Variants in ATG10 observed in about 807,000 individuals in gnomAD.
ATG10 encodes the protein ubiquitin-like-conjugating enzyme ATG10.
A neutral mutation model predicts 32.1 loss-of-function variants in ATG10; 30 were observed. The ratio of observed to expected loss-of-function variants is 0.94; its 90% CI spans 0.70 to 1.27. ATG10 has a LOEUF of 1.27. Ranked by LOEUF, ATG10 falls within the 50% of genes most tolerant of loss-of-function variation. ATG10 has a pLI of 0.00. For missense variants in ATG10, 233 were observed against 262.3 expected (o/e 0.89, Z 0.77); for synonymous variants, 87 against 91.5 (o/e 0.95, Z 0.28).
intron 5 of ATG10, among the ~76,000 whole-genome samples, chr5:82,225,649 T>A (rs1326078410): frequency 6.6e-6 from 1 of 152,138 alleles, no homozygotes; most frequent in Non-Finnish European, 1.5e-5. Context: ...CCTTAACCGA[T>A]GCCAAAGCCC....
chr5:82,161,637 A>G (rs2149896225), intron 3 of ATG10, among the ~76,000 whole-genome samples: 1 of 151,808 alleles, frequency 6.6e-6, no homozygotes, highest in Non-Finnish European at 1.5e-5. Flanking sequence ...TATGCACTTA[A>G]GAATTGCACA....
intron 4 of ATG10, among the ~76,000 whole-genome samples, chr5:82,177,446 A>C (rs1744074974): frequency 6.6e-6 from 1 of 152,136 alleles, no homozygotes; most frequent in African/African-American, 2.4e-5. Flanking sequence ...CTTTGGTCTA[A>C]ATATTCAGTA....
intron 3 of ATG10, among the ~76,000 whole-genome samples, chr5:82,127,833 C>T (rs1311583990): frequency 2.0e-5 from 3 of 152,064 alleles, no homozygotes; most frequent in Non-Finnish European, 4.4e-5. Context: ...TCCTGAATAT[C>T]CTTGCTAATT....
intron 3 of ATG10, among the ~76,000 whole-genome samples, chr5:82,084,781 T>C (rs981637657): frequency 3.3e-5 from 5 of 152,160 alleles, no homozygotes; most frequent in South Asian, 2.1e-4. Flanking sequence ...CAAGCAAATG[T>C]TGAGAGATTT....
chr5:82,042,414 G>A (rs559488953), intron 2 of ATG10, among the ~76,000 whole-genome samples: 9 of 152,204 alleles, frequency 5.9e-5, no homozygotes, highest in African/African-American at 1.9e-4. Flanking sequence ...AGATTTGGGC[G>A]GGGATACAAA....
intron 5 of ATG10, among the ~76,000 whole-genome samples, chr5:82,237,235 C>T (rs904575454): frequency 3.9e-5 from 6 of 152,140 alleles, no homozygotes; most frequent in Non-Finnish European, 5.9e-5. Context: ...AACTCCTTTC[C>T]CATTAAACTT....
intron 5 of ATG10, among the ~76,000 whole-genome samples, chr5:82,238,403 T>G (rs56117519): frequency 0.16 from 20,816 of 133,354 alleles, 2,203 homozygotes; most frequent in African/African-American, 0.33. Context: ...TCACTAGGGA[T>G]CTGCTTTTTC....
rs1180300654 is a variant in ATG10 at position 82,085,645 on chromosome 5, A to G, written c.216+27043A>G. On this transcript the variant is annotated intron_variant, in intron 3 of 7. Transcript: ENST00000282185. Reference sequence around the variant, plus strand: ...CTAGAACTTAAAGTATAACAAAAAAAAAAGAAAATTAAAAAATACTAATGA... The same window carrying G: ...CTAGAACTTAAAGTATAACAAAAAAGAAAGAAAATTAAAAAATACTAATGA... 2.0e-5 allele frequency among the ~76,000 whole-genome samples: 3 copies of G among 152,136 alleles called. No individual in the cohort carries two copies. The East Asian group carries it at 5.8e-4, about 29-fold the overall frequency.
intron 3 of ATG10, among the ~76,000 whole-genome samples, chr5:82,083,750 G>A (rs1256959042): frequency 6.6e-6 from 1 of 152,210 alleles, no homozygotes; most frequent in Non-Finnish European, 1.5e-5. Context: ...CAACAGACCT[G>A]CAGTTGAGGG....
chr5:82,041,605 A>G (rs1477845940), intron 2 of ATG10, among the ~76,000 whole-genome samples: 1 of 152,214 alleles, frequency 6.6e-6, no homozygotes, highest in Non-Finnish European at 1.5e-5. Context: ...AACATATAGT[A>G]TGTAAAACAC....
intron 2 of ATG10, among the ~76,000 whole-genome samples, chr5:82,000,312 A>G (rs1474946218): frequency 6.6e-6 from 1 of 152,200 alleles, no homozygotes; most frequent in Non-Finnish European, 1.5e-5. Flanking sequence ...CTGAAGGAAC[A>G]TACTTCAAAA....
chr5:82,008,508 A>G (rs1762041611), intron 2 of ATG10, among the ~76,000 whole-genome samples: 1 of 151,960 alleles, frequency 6.6e-6, no homozygotes, highest in Non-Finnish European at 1.5e-5. Flanking sequence ...ATACCTTTGA[A>G]TACTATTTTT....
At chr5:82,149,328 C>T (rs1767492106) in intron 3 of ATG10, among the ~76,000 whole-genome samples, 1 of 151,768 alleles carries the variant, frequency 6.6e-6, no homozygotes, top group African/African-American at 2.4e-5. Context: ...TTCCCTATTC[C>T]CTTACTTGTG....
At chr5:81,988,795 C>G (rs1005239948) in intron 2 of ATG10, among the ~76,000 whole-genome samples, 1 of 152,148 alleles carries the variant, frequency 6.6e-6, no homozygotes, top group South Asian at 2.1e-4. Flanking sequence ...GTACTTATTT[C>G]CACACTTAGA....
At chr5:82,046,767 A>G (rs1378143607) in intron 2 of ATG10, among the ~76,000 whole-genome samples, 1 of 152,232 alleles carries the variant, frequency 6.6e-6, no homozygotes, top group Non-Finnish European at 1.5e-5. Context: ...TCAAAGTGAC[A>G]ACTTGCTACC....
At chr5:82,146,616 T>G (rs1767371007) in intron 3 of ATG10, among the ~76,000 whole-genome samples, 1 of 151,742 alleles carries the variant, frequency 6.6e-6, no homozygotes, top group Admixed American at 6.6e-5. Context: ...TTCTTTTGTT[T>G]TTTTTTTTTC....
intron 3 of ATG10, among the ~76,000 whole-genome samples, chr5:82,094,623 T>A (rs996262013): frequency 6.6e-6 from 1 of 152,122 alleles, no homozygotes; most frequent in Non-Finnish European, 1.5e-5. Flanking sequence ...TAAAAATATT[T>A]AAAAAGTGTT....
intron 3 of ATG10, among the ~76,000 whole-genome samples, chr5:82,136,734 T>G (rs1422336298): frequency 6.6e-6 from 1 of 152,178 alleles, no homozygotes; most frequent in African/African-American, 2.4e-5. Context: ...ATTCTCTGAA[T>G]TTTCTGAATT....
intron 2 of ATG10, among the ~76,000 whole-genome samples, chr5:82,011,699 G>A (rs942375459): frequency 2.0e-5 from 3 of 152,182 alleles, no homozygotes; most frequent in African/African-American, 4.8e-5. Context: ...TGATGGTTCT[G>A]TGTGGGTTGG....
Sources: allele counts gnomAD v4.1 joint callset (sites outside exome capture counted in the v4.1 genomes callset), GRCh38; gene constraint gnomAD v4.1.1; transcripts MANE v1.5; gene names NCBI Gene and HGNC (gene_info 2026-07-23, HGNC 2026-07-21).